The following GFOD2 variants were observed in gnomAD, a reference collection of about 807,000 sequenced individuals.
GFOD2 encodes the protein Gfo/Idh/MocA-like oxidoreductase domain containing 2, also known as glucose-fructose oxidoreductase domain-containing protein 2.
Under a neutral mutation model 24.6 loss-of-function variants are expected in GFOD2, and 9 were observed. The observed-to-expected ratio is 0.37, with a 90% CI of 0.22 to 0.64. The LOEUF is 0.64. Ranked by LOEUF, GFOD2 falls within the 30% of genes least tolerant of loss-of-function variation. The pLI, the probability that GFOD2 is intolerant of heterozygous loss-of-function variation, is 0.65. For synonymous variants in GFOD2, 211 were observed against 224.8 expected (o/e 0.94, Z 0.55); for missense variants, 476 against 532.5 (o/e 0.89, Z 1.04).
At chr16:67,707,952 C>G (rs1018380471) in intron 1 of GFOD2, among the ~76,000 whole-genome samples, 2 of 152,174 alleles carry the variant, frequency 1.3e-5, no homozygotes, top group South Asian at 4.2e-4. Context: ...AATAAGCCAG[C>G]CTTATTTATA....
intron 1 of GFOD2, among the ~76,000 whole-genome samples, chr16:67,687,774 A>G (rs931469517): frequency 6.6e-6 from 1 of 150,874 alleles, no homozygotes; most frequent in African/African-American, 2.4e-5. Context: ...ATTCAAGATC[A>G]GCACAAGCAA....
intron 1 of GFOD2, among the ~76,000 whole-genome samples, chr16:67,695,157 C>T (rs2053349432): frequency 6.6e-6 from 1 of 151,822 alleles, no homozygotes; most frequent in Non-Finnish European, 1.5e-5. Context: ...CCACCATACC[C>T]AGCTAATCTT....
intron 1 of GFOD2, among the ~76,000 whole-genome samples, chr16:67,710,211 G>C (rs1025837688): frequency 6.6e-6 from 1 of 151,450 alleles, no homozygotes; most frequent in South Asian, 2.1e-4. Flanking sequence ...CTGTAGCCTC[G>C]AACTCCTGGG....
chr16:67,693,311 C>T (rs2053330060), intron 1 of GFOD2, among the ~76,000 whole-genome samples: 2 of 151,530 alleles, frequency 1.3e-5, no homozygotes, highest in Non-Finnish European at 2.9e-5. Context: ...CACAGTCTCA[C>T]TCTGTCACCC....
chr16:67,692,357 G>A (rs976862214), intron 1 of GFOD2, among the ~76,000 whole-genome samples: 5 of 151,996 alleles, frequency 3.3e-5, no homozygotes, highest in Non-Finnish European at 4.4e-5. Context: ...AGAGGTGGGC[G>A]GATCACCTGA....
intron 1 of GFOD2, among the ~76,000 whole-genome samples, chr16:67,718,209 C>G (rs966312643): frequency 6.6e-6 from 1 of 152,234 alleles, no homozygotes; most frequent in South Asian, 2.1e-4. Flanking sequence ...AAGGGCCACA[C>G]ACTAAGGGCT....
intron 1 of GFOD2, among the ~76,000 whole-genome samples, chr16:67,693,577 C>CT (rs1223068973): frequency 1.3e-5 from 2 of 151,900 alleles, no homozygotes; most frequent in Non-Finnish European, 2.9e-5. Flanking sequence ...TGGCTAGAAT[C>CT]TTTTTTGGGA....
In GFOD2 at chr16:67,675,493, C is replaced by G. The variant is rs889017722; in HGVS notation, c.820G>C (p.Ala274Pro). The change falls in exon 3 of 3, where the codon GCC becomes CCC. Residue 274 changes from alanine (A) to proline (P), a missense_variant. By Grantham distance (27) the Ala-to-Pro change is conservative. Coordinates refer to ENST00000268797, the MANE Select transcript of GFOD2 (RefSeq NM_030819.4). ...CTCAAGAGCAGCTCCTCTTGCGTGG[C>G]AGAGTTCTTCTGCCCATAGAGGTCG... is the stretch of plus-strand genomic sequence containing the variant. ...GADLYGQKNSATQEELLLRDS... is the reference protein window; with the variant it reads ...GADLYGQKNSPTQEELLLRDS... 1 of 1,612,216 alleles carries G rather than the reference C, an allele frequency of 6.2e-7. No homozygotes were observed. Among genetic ancestry groups the G allele is most frequent in the South Asian group, 1.1e-5 (1 of 91,088 alleles).
intron 1 of GFOD2, among the ~76,000 whole-genome samples, chr16:67,704,350 C>T (rs1404230114): frequency 1.3e-5 from 2 of 152,262 alleles, no homozygotes; most frequent in Middle Eastern, 3.4e-3. Context: ...ACATTACGTG[C>T]CCCGTGCTTT....
chr16:67,697,075 A>G lies in GFOD2; in HGVS notation c.-87-11273T>C, dbSNP rs112677731. On this transcript the variant is annotated intron_variant, in intron 1 of 2. Coordinates refer to ENST00000268797, the MANE Select transcript of GFOD2 (RefSeq NM_030819.4). ...GCCAAGACCACATACATTTCCCATC[A>G]CCACATGCTGGTCAGGAATGAAGTG... 2.9e-3 allele frequency among the ~76,000 whole-genome samples: 441 copies of G among 152,224 alleles called. 4 individuals carry two copies. Among genetic ancestry groups the G allele is most frequent in the African/African-American group, 0.01 (423 of 41,538 alleles).
intron 2 of GFOD2, chr16:67,685,235 T>G: frequency 7.0e-7 from 1 of 1,427,862 alleles, no homozygotes; most frequent in Non-Finnish European, 9.1e-7. Flanking sequence ...CTTAGAGTAT[T>G]TCCTTAATTT....
intron 1 of GFOD2, among the ~76,000 whole-genome samples, chr16:67,690,437 C>T (rs1408937400): frequency 1.3e-5 from 2 of 150,758 alleles, no homozygotes; most frequent in Non-Finnish European, 2.9e-5. Context: ...TGTTCTGTCA[C>T]CCAGGCTGGA....
intron 1 of GFOD2, among the ~76,000 whole-genome samples, chr16:67,694,636 C>T (rs919000903): frequency 4.6e-5 from 7 of 152,110 alleles, no homozygotes; most frequent in Non-Finnish European, 1.0e-4. Context: ...AGCCCAGCAT[C>T]TCTTTTGCTC....
At chr16:67,695,999 A>G (rs1597798406) in intron 1 of GFOD2, among the ~76,000 whole-genome samples, 1 of 149,284 alleles carries the variant, frequency 6.7e-6, no homozygotes, top group Admixed American at 6.7e-5. Flanking sequence ...GTATGTATCC[A>G]CTACATAGGG....
chr16:67,687,147 C>CAA (rs555830977), intron 1 of GFOD2, among the ~76,000 whole-genome samples: 46 of 49,682 alleles, frequency 9.3e-4, no homozygotes, highest in Middle Eastern at 9.4e-3. Flanking sequence ...GACTCCGTCA[C>CAA]AAAAAAAAAA....
At chr16:67,714,043 T>C (rs911397658) in intron 1 of GFOD2, among the ~76,000 whole-genome samples, 2 of 151,958 alleles carry the variant, frequency 1.3e-5, no homozygotes, top group African/African-American at 2.4e-5. Flanking sequence ...CCTATTGAAA[T>C]TGCATGCCAG....
intron 1 of GFOD2, among the ~76,000 whole-genome samples, chr16:67,693,396 A>G (rs2053331158): frequency 6.6e-6 from 1 of 151,828 alleles, no homozygotes; most frequent in African/African-American, 2.4e-5. Flanking sequence ...GGCTGGGACT[A>G]TAGGTGCGTG....
chr16:67,705,328 C>T (rs1353192871), intron 1 of GFOD2, among the ~76,000 whole-genome samples: 1 of 152,166 alleles, frequency 6.6e-6, no homozygotes, highest in Non-Finnish European at 1.5e-5. Flanking sequence ...CTGCCTCAGC[C>T]TCCCAAGTAG....
At chr16:67,681,439 T>G (rs2053224496) in intron 2 of GFOD2, 1 of 979,122 alleles carries the variant, frequency 1.0e-6, no homozygotes, top group Non-Finnish European at 1.2e-6. Context: ...TTTGTTTTTT[T>G]AGATGGGGAC....
Sources: gnomAD v4.1 joint callset for allele counts (sites outside exome capture counted in the v4.1 genomes callset) on GRCh38, gnomAD v4.1.1 for gene constraint, MANE v1.5 for transcripts, NCBI Gene and HGNC (gene_info 2026-07-23, HGNC 2026-07-21) for gene names.